Variants in UQCC1 observed in about 807,000 individuals in gnomAD.
UQCC1 encodes ubiquinol-cytochrome c reductase complex assembly factor 1.
UQCC1 carries 38 observed loss-of-function variants against 48.0 expected under a neutral mutation model. That is an observed-to-expected ratio of 0.79 (90% CI 0.61 to 1.04). The LOEUF (loss-of-function observed/expected upper bound fraction) is 1.04, where lower values mean the gene tolerates loss of function less well. Ranked by LOEUF, UQCC1 falls within the 50% of genes least tolerant of loss-of-function variation. The pLI, the probability that UQCC1 is intolerant of heterozygous loss-of-function variation, is 0.00. For missense variants in UQCC1, 368 were observed against 381.8 expected (o/e 0.96, Z 0.30); for synonymous variants, 111 against 129.2 (o/e 0.86, Z 0.95).
intron 6 of UQCC1, among the ~76,000 whole-genome samples, chr20:35,347,777 AGT>A (rs2061447031): frequency 6.6e-6 from 1 of 152,236 alleles, no homozygotes; most frequent in Admixed American, 6.5e-5. Flanking sequence ...ATGTGGCACA[AGT>A]TTAAGATTTC....
rs1600991147 is a variant in UQCC1, at chr20:35,383,981, C to T, written c.225+57G>A. On this transcript the variant is annotated intron_variant, in intron 3 of 9. Transcript: ENST00000374385. ...CCTAGCTAACAATTTTGTTGAGATC[C>T]AAAGAACACCTGTGTGAAAGCACTC... 8 of 1,500,470 alleles carry T rather than the reference C, an allele frequency of 5.3e-6. No individual in the cohort carries two copies. In the East Asian group the frequency reaches 9.2e-5, roughly 17 times the overall value. 92.9% of individuals were successfully genotyped at this position (1,500,470 alleles called of 1,614,324 possible). A position where few individuals can be genotyped will look rare whatever the true frequency, so the allele number is the denominator to read the frequency against.
intron 1 of UQCC1, among the ~76,000 whole-genome samples, chr20:35,400,555 G>A (rs1182685876): frequency 4.6e-5 from 7 of 151,304 alleles, no homozygotes; most frequent in African/African-American, 7.3e-5. Context: ...GAGTGCAGTG[G>A]TGGGATCTCA....
chr20:35,341,626 T>C (rs2061379787), intron 7 of UQCC1, among the ~76,000 whole-genome samples: 1 of 152,008 alleles, frequency 6.6e-6, no homozygotes, highest in Admixed American at 6.6e-5. Flanking sequence ...TGAATAACAG[T>C]GATACAAAAT....
intron 6 of UQCC1, among the ~76,000 whole-genome samples, chr20:35,364,532 GT>G (rs1471623299): frequency 3.4e-4 from 52 of 152,350 alleles, no homozygotes; most frequent in African/African-American, 1.2e-3. Flanking sequence ...CTCAAGAAGA[GT>G]GCTGATTCAA....
intron 6 of UQCC1, among the ~76,000 whole-genome samples, chr20:35,348,985 A>G (rs566530405): frequency 6.6e-6 from 1 of 152,244 alleles, no homozygotes; most frequent in South Asian, 2.1e-4. Flanking sequence ...CTCATTAAAT[A>G]GCTTATTAAG....
intron 1 of UQCC1, among the ~76,000 whole-genome samples, chr20:35,398,223 A>G (rs17092616): frequency 0.012 from 1,826 of 152,308 alleles, 33 homozygotes; most frequent in African/African-American, 0.04. Context: ...TTAAAACAGC[A>G]TATTGTGGAA....
chr20:35,352,097 A>C (rs1293886520), intron 6 of UQCC1, among the ~76,000 whole-genome samples: 9 of 152,270 alleles, frequency 5.9e-5, no homozygotes. Flanking sequence ...CTTTTGGCTG[A>C]GTAGAATCAG....
At chr20:35,339,535 G>A in intron 7 of UQCC1, among the ~76,000 whole-genome samples, 1 of 152,204 alleles carries the variant, frequency 6.6e-6, no homozygotes, top group Non-Finnish European at 1.5e-5. Flanking sequence ...ACCAGTGAAA[G>A]TCTGGCATGA....
chr20:35,397,473 G>A (rs1239147269), intron 1 of UQCC1, among the ~76,000 whole-genome samples: 1 of 143,188 alleles, frequency 7.0e-6, no homozygotes, highest in African/African-American at 2.6e-5. Flanking sequence ...CCAAGATCAC[G>A]CCACTGCACT....
intron 6 of UQCC1, among the ~76,000 whole-genome samples, chr20:35,363,129 A>T (rs1262705816): frequency 6.6e-6 from 1 of 152,168 alleles, no homozygotes; most frequent in Admixed American, 6.5e-5. Flanking sequence ...TATCAGATTC[A>T]TGTGTCCATT....
At chr20:35,405,124 T>C (rs982360382) in intron 1 of UQCC1, among the ~76,000 whole-genome samples, 4 of 152,004 alleles carry the variant, frequency 2.6e-5, no homozygotes, top group Admixed American at 6.6e-5. Context: ...CCTGGCAGAG[T>C]GTTATAGGTA....
chr20:35,324,323 AT>A (rs920153402), intron 7 of UQCC1, among the ~76,000 whole-genome samples: 8 of 151,390 alleles, frequency 5.3e-5, no homozygotes, highest in African/African-American at 2.4e-5. Context: ...CACCCAGCTA[AT>A]TTTTTTTTCT....
intron 7 of UQCC1, among the ~76,000 whole-genome samples, chr20:35,321,297 C>T (rs561484596): frequency 5.8e-4 from 88 of 150,764 alleles, no homozygotes; most frequent in African/African-American, 1.9e-3. Flanking sequence ...CGCGCGCGCG[C>T]GCACGCTCAG....
rs973026698 is a variant in UQCC1 at position 35,348,547 on chromosome 20, A to G, written c.465-1275T>C. ...TGGGACTACAGGCGCCTGCCACCACACCCAGCTAATGTTTTTGTATTTTTA... is the reference window on the plus strand; with the variant it reads ...TGGGACTACAGGCGCCTGCCACCACGCCCAGCTAATGTTTTTGTATTTTTA... On this transcript the variant is annotated intron_variant, in intron 6 of 9. Transcript: ENST00000374385. Among the ~76,000 whole-genome samples the G allele has an allele frequency of 5.3e-5, 8 of 151,648 alleles. No individual in the cohort carries two copies. The East Asian group carries it at 1.4e-3, about 26-fold the overall frequency.
At chr20:35,373,410 G>A (rs1387583912) in intron 5 of UQCC1, among the ~76,000 whole-genome samples, 1 of 152,198 alleles carries the variant, frequency 6.6e-6, no homozygotes, top group Admixed American at 6.5e-5. Flanking sequence ...CAGGCACAGT[G>A]GCTCACGCCT....
At chr20:35,311,599 T>C (rs1432263291) in intron 8 of UQCC1, among the ~76,000 whole-genome samples, 1 of 152,206 alleles carries the variant, frequency 6.6e-6, no homozygotes. Flanking sequence ...CTGTTAGCAA[T>C]GCAGAATCTC....
At chr20:35,403,988 A>G (rs1388937625) in intron 1 of UQCC1, among the ~76,000 whole-genome samples, 5 of 152,004 alleles carry the variant, frequency 3.3e-5, no homozygotes, top group African/African-American at 1.2e-4. Flanking sequence ...CTGTAATCCA[A>G]GCACTTTGGG....
At chr20:35,396,234 C>T (rs2062076757) in intron 1 of UQCC1, among the ~76,000 whole-genome samples, 1 of 150,698 alleles carries the variant, frequency 6.6e-6, no homozygotes, top group Non-Finnish European at 1.5e-5. Flanking sequence ...ATCTACCTAC[C>T]TCGGACTCCC....
intron 6 of UQCC1, among the ~76,000 whole-genome samples, chr20:35,359,586 C>T (rs2061583712): frequency 6.6e-6 from 1 of 152,134 alleles, no homozygotes; most frequent in Non-Finnish European, 1.5e-5. Flanking sequence ...CTGACAATGC[C>T]AGTTGTGTTT....
Sources: gnomAD v4.1 joint callset for allele counts (sites outside exome capture counted in the v4.1 genomes callset) on GRCh38, gnomAD v4.1.1 for gene constraint, MANE v1.5 for transcripts, NCBI Gene and HGNC (gene_info 2026-07-23, HGNC 2026-07-21) for gene names.